The following PHLDB2 variants were observed in gnomAD, a reference collection of about 807,000 sequenced individuals.
PHLDB2 encodes the protein pleckstrin homology-like domain family B member 2.
PHLDB2 carries 71 observed loss-of-function variants against 123.6 expected under a neutral mutation model. The ratio of observed to expected loss-of-function variants is 0.57; its 90% confidence interval spans 0.47 to 0.70. PHLDB2 has a LOEUF of 0.70. PHLDB2 is among the 30% of genes least tolerant of loss of function. The pLI, the probability that PHLDB2 is intolerant of heterozygous loss-of-function variation, is 0.00. For missense variants in PHLDB2, 1,446 were observed against 1,519.5 expected (o/e 0.95, Z 0.80); for synonymous variants, 547 against 541.6 (o/e 1.01, Z -0.14).
At chr3:111,751,879 T>C (rs2059783316) in intron 1 of PHLDB2, among the ~76,000 whole-genome samples, 1 of 152,010 alleles carries the variant, frequency 6.6e-6, no homozygotes, top group Admixed American at 6.6e-5. Context: ...TTTGCTGCAA[T>C]GAGCTAGAAA....
rs748194350 is a variant in PHLDB2 at position 111,962,235 on chromosome 3, C to G, written c.3000C>G (p.Ala1000=). Residue 1000 remains alanine, a synonymous_variant, in exon 13 of 18, where the codon GCC becomes GCG. Transcript: ENST00000431670. ...CAGATCACAGCTACAAGGACCAGGC[C>G]TTTGATACTCTGAGCCTCGATAGCT... ...HYPDHSYKDQ[A]FDTLSLDSSD... The G allele has an allele frequency of 3.8e-6, 6 of 1,580,064 alleles. No homozygotes were observed. The highest frequency in any genetic ancestry group is 3.4e-4 in the Middle Eastern group (2 of 5,952).
intron 1 of PHLDB2, among the ~76,000 whole-genome samples, chr3:111,788,996 T>C (rs2060802806): frequency 6.6e-6 from 1 of 152,172 alleles, no homozygotes; most frequent in Non-Finnish European, 1.5e-5. Flanking sequence ...GGTAGAGAAA[T>C]GAAACGATGA....
chr3:111,771,207 C>T (rs953069470), intron 1 of PHLDB2, among the ~76,000 whole-genome samples: 8 of 152,156 alleles, frequency 5.3e-5, no homozygotes, highest in African/African-American at 1.4e-4. Flanking sequence ...AACATAATTT[C>T]GATTTCAAAA....
chr3:111,767,556 C>CA (rs2060103866), intron 1 of PHLDB2, among the ~76,000 whole-genome samples: 1 of 152,298 alleles, frequency 6.6e-6, no homozygotes, highest in East Asian at 1.9e-4. Flanking sequence ...GAAGCACACA[C>CA]AAAAAATGTA....
intron 4 of PHLDB2, among the ~76,000 whole-genome samples, chr3:111,920,078 A>G (rs2068411282): frequency 6.6e-6 from 1 of 152,206 alleles, no homozygotes; most frequent in Non-Finnish European, 1.5e-5. Flanking sequence ...TAGTTTTTTT[A>G]GTGAATATAT....
Position 111,884,850 on chromosome 3 carries a change from G to C in PHLDB2, c.773G>C (p.Arg258Thr), listed in dbSNP as rs756348007. Reference protein sequence around the residue: ...HMGAYSRSLPRLYRATENQLT... With the variant: ...HMGAYSRSLPTLYRATENQLT... ...GGAGCCTACAGCCGATCACTTCCCA[G>C]GTTGTACAGAGCCACAGAGAACCAG... Residue 258 changes from arginine (R) to threonine (T), a missense_variant, in exon 2 of 18, where the codon AGG (arginine) becomes ACG (threonine). Physicochemically the swap from Arg to Thr is moderately conservative, Grantham distance 71. Transcript: ENST00000431670. 1 of 1,614,116 alleles carries C rather than the reference G, an allele frequency of 6.2e-7. No homozygotes were observed. The highest frequency in any genetic ancestry group is 8.5e-7 in the Non-Finnish European group (1 of 1,180,020).
Position 111,958,701 on chromosome 3 carries a change from G to A in PHLDB2, c.2873-3407G>A, listed in dbSNP as rs992651390. 110 of 455,730 alleles carry A rather than the reference G, an allele frequency of 2.4e-4. 1 individual carries two copies. The highest frequency in any genetic ancestry group is 2.0e-3 in the African/African-American group (102 of 50,004). The allele number at this position is 455,730 out of a possible 1,614,324, so 28.2% of individuals were successfully genotyped here. A position where few individuals can be genotyped will look rare whatever the true frequency, so the allele number is the denominator to read the frequency against. ...ACAGCTATTTCTCTCTGGATAGGAA[G>A]GATTTAGAGCATTTTCAAGGCCCTT... On this transcript the variant is annotated intron_variant, in intron 12 of 17. Coordinates refer to ENST00000431670, the MANE Select transcript of PHLDB2 (RefSeq NM_001134438.2).
chr3:111,802,598 C>T (rs893360497), intron 1 of PHLDB2, among the ~76,000 whole-genome samples: 4 of 152,228 alleles, frequency 2.6e-5, no homozygotes, highest in Admixed American at 1.3e-4. Context: ...TTAGAAGAGA[C>T]ATTAGTACTA....
In PHLDB2 at chr3:111,937,490, G is replaced by C. The variant is rs558068040; in HGVS notation, c.2131-1985G>C. 2.0e-5 allele frequency among the ~76,000 whole-genome samples: 3 copies of C among 152,222 alleles called. No homozygotes were observed. In the East Asian group the frequency reaches 5.8e-4, roughly 29 times the overall value. ...GTAGGTTATATTTATAAAAAATCTG[G>C]CTGGGTGTGGTGGCTTACACCTATA... On this transcript the variant is annotated intron_variant, in intron 6 of 17. Coordinates refer to ENST00000431670, the MANE Select transcript of PHLDB2 (RefSeq NM_001134438.2).
rs549641520 is a variant in PHLDB2, at chr3:111,802,024, A to G, written c.-48-43797A>G. On this transcript the variant is annotated intron_variant, in intron 1 of 17. Coordinates refer to the PHLDB2 transcript ENST00000393923. ...GTGGATATTATAGTATATGAATTCT[A>G]TCTCAATTTTTAGAATGTAAAACAA... is the stretch of plus-strand genomic sequence containing the variant. Among the ~76,000 whole-genome samples the G allele has an allele frequency of 2.6e-5, 4 of 152,368 alleles. No homozygotes were observed. The South Asian group carries it at 6.2e-4, about 24-fold the overall frequency.
chr3:111,784,812 T>C (rs1314062817), intron 1 of PHLDB2, among the ~76,000 whole-genome samples: 1 of 152,156 alleles, frequency 6.6e-6, no homozygotes, highest in Non-Finnish European at 1.5e-5. Context: ...AAATCAGTTT[T>C]TTAACTAAAT....
chr3:111,954,033 C>A lies in PHLDB2; in HGVS notation c.2872+4C>A. ...GAATCTCGGAGGATGCTCAGAGGTA[C>A]GTACCTTTTAAATCAAGTGTCATGG... On this transcript the variant is annotated splice_donor_region_variant and intron_variant, in intron 12 of 17. Coordinates refer to ENST00000431670, the MANE Select transcript of PHLDB2 (RefSeq NM_001134438.2). 1.9e-6 allele frequency: 3 copies of A among 1,611,186 alleles called. No homozygotes were observed. The highest frequency in any genetic ancestry group is 2.5e-6 in the Non-Finnish European group (3 of 1,177,852).
intron 10 of PHLDB2, among the ~76,000 whole-genome samples, chr3:111,950,901 G>T (rs1206657431): frequency 6.6e-6 from 1 of 152,154 alleles, no homozygotes; most frequent in Non-Finnish European, 1.5e-5. Context: ...AGACCTAAAT[G>T]CCTTCAATTT....
At chr3:111,898,182 T>TGTGTGTGTGTGTGTGTG (rs1553747095) in intron 2 of PHLDB2, among the ~76,000 whole-genome samples, 4 of 142,550 alleles carry the variant, frequency 2.8e-5, no homozygotes, top group Admixed American at 7.0e-5. Flanking sequence ...GTGTGTGTGT[T>TGTGTGTGTGTGTGTGTG]TGTGTGTGTG....
At chr3:111,750,657 C>T (rs113229817) in intron 1 of PHLDB2, among the ~76,000 whole-genome samples, 30 of 152,098 alleles carry the variant, frequency 2.0e-4, no homozygotes, top group African/African-American at 7.2e-4. Context: ...AAATAAAATT[C>T]CCCGGGGGCC....
chr3:111,803,083 A>T lies in PHLDB2; in HGVS notation c.-48-42738A>T, dbSNP rs567914260. Reference sequence around the variant, plus strand: ...AGAAACAAAAGAAAAAGCAGAAATGATCTATATGTTCATAGTCTATATGGC... The same window carrying T: ...AGAAACAAAAGAAAAAGCAGAAATGTTCTATATGTTCATAGTCTATATGGC... On this transcript the variant is annotated intron_variant, in intron 1 of 17. Transcript: ENST00000393923. Among the ~76,000 whole-genome samples the T allele has an allele frequency of 7.2e-5, 11 of 152,340 alleles. No individual in the cohort carries two copies. The South Asian group carries it at 1.9e-3, about 26-fold the overall frequency.
chr3:111,816,384 C>T (rs2062078041), intron 1 of PHLDB2, among the ~76,000 whole-genome samples: 1 of 152,206 alleles, frequency 6.6e-6, no homozygotes, highest in South Asian at 2.1e-4. Flanking sequence ...CCTGCAAAGC[C>T]ATAGGGGCAG....
chr3:111,754,650 C>T (rs1428280447), intron 1 of PHLDB2, among the ~76,000 whole-genome samples: 6 of 142,870 alleles, frequency 4.2e-5, no homozygotes, highest in African/African-American at 1.6e-4. Flanking sequence ...ATTTCCTTCT[C>T]CTGCCTAATT....
At chr3:111,768,559 T>G (rs745585580) in intron 1 of PHLDB2, among the ~76,000 whole-genome samples, 1 of 152,116 alleles carries the variant, frequency 6.6e-6, no homozygotes, top group Non-Finnish European at 1.5e-5. Context: ...CTATAAGATT[T>G]CAGGGAGTTT....
Sources: gnomAD v4.1 joint callset for allele counts (sites outside exome capture counted in the v4.1 genomes callset) on GRCh38, gnomAD v4.1.1 for gene constraint, MANE v1.5 for transcripts, NCBI Gene and HGNC (gene_info 2026-07-23, HGNC 2026-07-21) for gene names.